Variants in MSANTD2 observed in about 807,000 individuals in gnomAD.
MSANTD2 encodes the protein Myb/SANT DNA binding domain containing 2, also known as myb/SANT-like DNA-binding domain-containing protein 2.
In MSANTD2, 19 loss-of-function variants were observed where a neutral mutation model predicts 52.6. That is an observed-to-expected ratio of 0.36 (90% CI 0.25 to 0.53). The LOEUF is 0.53. MSANTD2 is among the 20% of genes least tolerant of loss of function. The pLI, the probability that MSANTD2 is intolerant of heterozygous loss-of-function variation, is 0.91. For missense variants in MSANTD2, 558 were observed against 716.3 expected, an observed-to-expected ratio of 0.78 and a Z score of 2.52; for synonymous variants, 291 against 289.7, an observed-to-expected ratio of 1.00 and a Z score of -0.04.
chr11:124,791,528 C>T lies in MSANTD2; in HGVS notation c.510+8343G>A, dbSNP rs1023250523. The T allele has an allele frequency of 4.4e-5, 50 of 1,138,886 alleles. No individual in the cohort carries two copies. The African/African-American group carries it at 5.2e-4, about 12-fold the overall frequency. 70.5% of individuals were successfully genotyped at this position (1,138,886 alleles called of 1,614,324 possible). A position where few individuals can be genotyped will look rare whatever the true frequency, so the allele number is the denominator to read the frequency against. On this transcript the variant is annotated intron_variant, in intron 1 of 3. Transcript: ENST00000374979. ...AGAGTTGGAGAAGGGATAAATGAAA[C>T]GACAGAAGGGTGCAGACAGAAGGGT...
intron 3 of MSANTD2, 53 bp downstream of exon 3, chr11:124,772,940 TG>T: frequency 2.7e-6 from 3 of 1,093,378 alleles, no homozygotes; most frequent in Non-Finnish European, 4.2e-6. Flanking sequence ...ATCTTCCCAA[TG>T]GTCATTAAAC....
intron 1 of MSANTD2, among the ~76,000 whole-genome samples, chr11:124,793,231 A>G (rs1945388292): frequency 6.6e-6 from 1 of 152,220 alleles, no homozygotes; most frequent in Non-Finnish European, 1.5e-5. Flanking sequence ...CCTAAACAGC[A>G]AAAATTTCAA....
At position 124,767,836 on chromosome 11, in the gene MSANTD2, G is replaced by C; in HGVS notation, c.1020C>G (p.Pro340=). The part of the protein sequence containing the change: ...YHYAEISSQV[P]LGKRLREYFN... ...AGTACTCCCGAAGTCGCTTGCCAAG[G>C]GGCACCTGGGAGCTGATCTCAGCAT... The change falls in exon 4 of 4, where the codon CCC becomes CCG. Residue 340 remains proline, a synonymous_variant. Coordinates refer to ENST00000374979, the MANE Select transcript of MSANTD2 (RefSeq NM_001308027.2). The surrounding 1 kb of genome is among the most constrained non-coding windows in gnomAD (Gnocchi z 6.5). 1 of 1,614,184 alleles carries C rather than the reference G, an allele frequency of 6.2e-7. No individual in the cohort carries two copies. The highest frequency in any genetic ancestry group is 8.5e-7 in the Non-Finnish European group (1 of 1,180,034).
rs558167259 is a variant in MSANTD2 at position 124,766,657 on chromosome 11, A to G, written c.*519T>C. On this transcript the variant is annotated 3_prime_UTR_variant, in exon 4 of 4. Transcript: ENST00000374979. Reference sequence around the variant, plus strand: ...AAAAAAATGAAAATCTAAATTATATACAATAGTAGCTAAGGGTGATATTGA... The same window carrying G: ...AAAAAAATGAAAATCTAAATTATATGCAATAGTAGCTAAGGGTGATATTGA... The G allele has an allele frequency of 2.5e-4, 38 of 152,878 alleles. No individual in the cohort carries two copies. The highest frequency in any genetic ancestry group is 8.4e-4 in the African/African-American group (35 of 41,590). 9.5% of individuals were successfully genotyped at this position (152,878 alleles called of 1,614,324 possible). A position where few individuals can be genotyped will look rare whatever the true frequency, so the allele number is the denominator to read the frequency against.
At chr11:124,784,242 G>C (rs1033243397) in intron 1 of MSANTD2, 5 of 985,230 alleles carry the variant, frequency 5.1e-6, no homozygotes, top group Non-Finnish European at 6.0e-6. Flanking sequence ...CTCTGAAGTT[G>C]CTAAGTCAGC....
At chr11:124,778,296 A>T (rs1244539066) in intron 1 of MSANTD2, among the ~76,000 whole-genome samples, 2 of 152,230 alleles carry the variant, frequency 1.3e-5, no homozygotes, top group African/African-American at 4.8e-5. Context: ...TATTTTACTC[A>T]TCCTAGAAAT....
rs372721858 is a variant in MSANTD2, at chr11:124,774,694, G to C, written c.766+25C>G. The stretch of plus-strand genomic sequence containing the variant: ...GGTATATAAATATACACAAACATAA[G>C]TATCATATATGTTGGCTTTCTTACC... On this transcript the variant is annotated intron_variant, in intron 2 of 3. Coordinates refer to ENST00000374979, the MANE Select transcript of MSANTD2 (RefSeq NM_001308027.2). This position sits in a 1 kb window ranked among gnomAD's most constrained non-coding sequence, Gnocchi z 5.1. The C allele has an allele frequency of 5.0e-6, 8 of 1,604,792 alleles. No homozygotes were observed. The African/African-American group carries it at 1.1e-4, about 21-fold the overall frequency.
At chr11:124,788,441 T>C (rs12288037) in intron 1 of MSANTD2, among the ~76,000 whole-genome samples, 38,461 of 152,120 alleles carry the variant, frequency 0.25, 4,976 homozygotes, top group South Asian at 0.35. Context: ...TTCATGAATA[T>C]ATGGTTATGC....
At chr11:124,796,192 T>C (rs555182196) in intron 1 of MSANTD2, among the ~76,000 whole-genome samples, 47 of 152,342 alleles carry the variant, frequency 3.1e-4, no homozygotes, top group African/African-American at 9.4e-4. Context: ...GTATTTTTAC[T>C]GTATAGATAA....
intron 3 of MSANTD2, among the ~76,000 whole-genome samples, chr11:124,769,171 G>A (rs1377660151): frequency 6.6e-6 from 1 of 152,186 alleles, no homozygotes; most frequent in African/African-American, 2.4e-5. Context: ...TTCTAGGGGA[G>A]GAGCTTTGGG....
chr11:124,767,225 A>G lies in MSANTD2; in HGVS notation c.1631T>C (p.Val544Ala). 6.2e-7 allele frequency: 1 copy of G among 1,613,760 alleles called. No individual in the cohort carries two copies. Among genetic ancestry groups the G allele is most frequent in the Non-Finnish European group, 8.5e-7 (1 of 1,179,948 alleles). ...ERDFLSAGSL[V>A]ECLEKAIGYP... ...TCCAATGGCTTTTTCCAGGCACTCAACTAAAGAGCCTGCGGAAAGAAAATC... is the reference window on the plus strand; with the variant it reads ...TCCAATGGCTTTTTCCAGGCACTCAGCTAAAGAGCCTGCGGAAAGAAAATC... The change falls in exon 4 of 4, where the codon GTT becomes GCT. Residue 544 changes from valine to alanine, a missense_variant. Physicochemically the swap from Val to Ala is moderately conservative, Grantham distance 64. Transcript: ENST00000374979. This position sits in a 1 kb window ranked among gnomAD's most constrained non-coding sequence, Gnocchi z 6.5.
chr11:124,789,965 A>G, intron 1 of MSANTD2: 1 of 152,296 alleles, frequency 6.6e-6, no homozygotes, highest in East Asian at 1.9e-4. Flanking sequence ...CTAACAGTTA[A>G]TTGTTTTAAA....
rs1050585935 is a variant in MSANTD2 at position 124,784,078 on chromosome 11, G to T, written c.511-9104C>A. The T allele has an allele frequency of 2.0e-5, 20 of 985,004 alleles. No homozygotes were observed. In the African/African-American group the frequency reaches 3.5e-4, roughly 17 times the overall value. The allele number at this position is 985,004 out of a possible 1,614,324, so 61.0% of individuals were successfully genotyped here. ...TATACTGAACTATTTCAGTATATAA[G>T]CAGCAATAGGTAGTAGCTACAGTCA... On this transcript the variant is annotated intron_variant, in intron 1 of 3. Coordinates refer to ENST00000374979, the MANE Select transcript of MSANTD2 (RefSeq NM_001308027.2).
intron 1 of MSANTD2, chr11:124,775,633 C>A (rs1356919746): frequency 6.6e-6 from 1 of 152,352 alleles, no homozygotes; most frequent in Admixed American, 6.5e-5. Flanking sequence ...TACACTAATA[C>A]CTACGTCTAA....
rs188476769 is a variant in MSANTD2, at chr11:124,796,056, T to C, written c.510+3815A>G. Among the ~76,000 whole-genome samples the C allele has an allele frequency of 1.7e-3, 257 of 152,338 alleles. 2 individuals carry two copies. Among genetic ancestry groups the C allele is most frequent in the Middle Eastern group, 6.8e-3 (2 of 294 alleles). On this transcript the variant is annotated intron_variant, in intron 1 of 3. Coordinates refer to ENST00000374979, the MANE Select transcript of MSANTD2 (RefSeq NM_001308027.2). ...TTGCAGCAATAAACAAATTTTCATA[T>C]CTGACTGTAAATTAAAATCTTGTGT...
chr11:124,771,577 C>A (rs1944523343), intron 3 of MSANTD2, among the ~76,000 whole-genome samples: 1 of 152,182 alleles, frequency 6.6e-6, no homozygotes, highest in South Asian at 2.1e-4. Context: ...CGAGATCAAC[C>A]TGGCCAACAC....
chr11:124,766,974 G>C lies in MSANTD2; in HGVS notation c.*202C>G. 1 of 536,162 alleles carries C rather than the reference G, an allele frequency of 1.9e-6. No individual in the cohort carries two copies. Among genetic ancestry groups the C allele is most frequent in the Middle Eastern group, 5.2e-4 (1 of 1,940 alleles). The allele number at this position is 536,162 out of a possible 1,614,324, so 33.2% of individuals were successfully genotyped here. A position where few individuals can be genotyped will look rare whatever the true frequency, so the allele number is the denominator to read the frequency against. ...TGCAAGTTCGCTATATATCTTGCTT[G>C]CTCAAAATGAGCATTTTCAGGTGAG... On this transcript the variant is annotated 3_prime_UTR_variant, in exon 4 of 4. Transcript: ENST00000374979.
Position 124,800,197 on chromosome 11 carries a change from C to T in MSANTD2, c.184G>A (p.Ala62Thr). Residue 62 changes from alanine to threonine, a missense_variant, in exon 1 of 4, where the codon GCG becomes ACG. By Grantham distance (58) the Ala-to-Thr change is moderately conservative. This residue lies in a region of MSANTD2 where 150 missense variants were observed against 142.7 expected (regional missense o/e 1.05). Coordinates refer to ENST00000374979, the MANE Select transcript of MSANTD2 (RefSeq NM_001308027.2). The surrounding 1 kb of genome is among the most constrained non-coding windows in gnomAD (Gnocchi z 4.3). ...AGCCCCAGCCCGAGACCCCCGGACG[C>T]CGCTGCCCCCGAGCCCGCCGCACTG... Reference protein sequence around the residue: ...PGSAAGSGAAASGGLGLGLGG... With the variant: ...PGSAAGSGAATSGGLGLGLGG... 1 of 1,472,576 alleles carries T rather than the reference C, an allele frequency of 6.8e-7. No homozygotes were observed. The highest frequency in any genetic ancestry group is 9.0e-7 in the Non-Finnish European group (1 of 1,114,182). 91.2% of individuals were successfully genotyped at this position (1,472,576 alleles called of 1,614,324 possible).
chr11:124,797,354 G>A (rs1479439518), intron 1 of MSANTD2, among the ~76,000 whole-genome samples: 6 of 152,118 alleles, frequency 3.9e-5, no homozygotes, highest in Admixed American at 2.6e-4. Flanking sequence ...AAAATTAGCT[G>A]GGCGTGGTAG....
Sources: allele counts gnomAD v4.1 joint callset (sites outside exome capture counted in the v4.1 genomes callset), GRCh38; gene constraint gnomAD v4.1.1; regional missense constraint gnomAD v4.1.1; non-coding constraint Gnocchi (gnomAD v3.1); transcripts MANE v1.5; gene names NCBI Gene and HGNC (gene_info 2026-07-23, HGNC 2026-07-21).